ZNF423: variants seen among roughly 807,000 people sequenced by gnomAD.
ZNF423 encodes the protein Ebf-associated zinc finger protein.
ZNF423 carries 12 observed loss-of-function variants against 95.8 expected under a neutral mutation model. The observed-to-expected ratio is 0.13, with a 90% CI of 0.08 to 0.20. The LOEUF is 0.20. Ranked by LOEUF, ZNF423 falls within the 10% of genes least tolerant of loss-of-function variation. The pLI, the probability that ZNF423 is intolerant of heterozygous loss-of-function variation, is 1.00. For synonymous variants in ZNF423, 749 were observed against 711.9 expected, an observed-to-expected ratio of 1.05 and a Z score of -0.83; for missense variants, 1,316 against 1,737.1, an observed-to-expected ratio of 0.76 and a Z score of 4.31.
chr16:49,800,795 T>C (rs1418628509), intron 1 of ZNF423, among the ~76,000 whole-genome samples: 1 of 152,094 alleles, frequency 6.6e-6, no homozygotes, highest in East Asian at 1.9e-4. Flanking sequence ...GCCACAGCAT[T>C]TGTCCAGATG....
chr16:49,776,806 G>A (rs2034129488), intron 2 of ZNF423, among the ~76,000 whole-genome samples: 1 of 152,216 alleles, frequency 6.6e-6, no homozygotes, highest in Non-Finnish European at 1.5e-5. Flanking sequence ...CTAGGGCCCT[G>A]AGGGTACGAC....
At chr16:49,629,986 G>A (rs566720459) in intron 4 of ZNF423, among the ~76,000 whole-genome samples, 2 of 152,218 alleles carry the variant, frequency 1.3e-5, no homozygotes, top group Non-Finnish European at 2.9e-5. Flanking sequence ...GATGCGTCAG[G>A]CTCCAGGACC....
At position 49,733,842 on chromosome 16, in the gene ZNF423, A is replaced by T. The variant is rs190740702; in HGVS notation, c.101-2871T>A. 2.9e-3 allele frequency among the ~76,000 whole-genome samples: 437 copies of T among 152,298 alleles called. 6 individuals are homozygous for T. The highest frequency in any genetic ancestry group is 3.7e-3 in the Admixed American group (56 of 15,300). ...CAGAATCAGGCGCTGGAGAACAGGA[A>T]GGCCTCCACCCCAGGCAGGGTTTGC... On this transcript the variant is annotated intron_variant, in intron 2 of 7. Transcript: ENST00000563137.
intron 3 of ZNF423, among the ~76,000 whole-genome samples, chr16:49,683,591 A>G (rs1225237006): frequency 1.3e-5 from 2 of 152,192 alleles, no homozygotes; most frequent in Non-Finnish European, 2.9e-5. Context: ...GCCACAAGGT[A>G]CATTGAGAAT....
At chr16:49,500,293 G>A (rs73578423) in intron 7 of ZNF423, among the ~76,000 whole-genome samples, 1,632 of 152,224 alleles carry the variant, frequency 0.011, 29 homozygotes, top group African/African-American at 0.038. Context: ...ACTGAAAATC[G>A]GGGGTCCTAG....
chr16:49,502,137 G>A (rs980898966), intron 7 of ZNF423, among the ~76,000 whole-genome samples: 6 of 152,128 alleles, frequency 3.9e-5, no homozygotes, highest in Admixed American at 6.5e-5. Flanking sequence ...TCTGGCCCTC[G>A]GGCCACCAGC....
chr16:49,645,167 G>A (rs984984678), intron 3 of ZNF423, among the ~76,000 whole-genome samples: 5 of 152,120 alleles, frequency 3.3e-5, no homozygotes, highest in Non-Finnish European at 7.4e-5. Context: ...TTCCCGACAG[G>A]ACAAAGCTTT....
chr16:49,520,204 G>C (rs772082807), intron 7 of ZNF423, among the ~76,000 whole-genome samples: 2 of 152,146 alleles, frequency 1.3e-5, no homozygotes, highest in Non-Finnish European at 2.9e-5. Context: ...GGCACATCAT[G>C]GGCCCTCCAC....
chr16:49,630,756 T>C (rs1287136540), intron 4 of ZNF423, among the ~76,000 whole-genome samples: 1 of 152,064 alleles, frequency 6.6e-6, no homozygotes, highest in Non-Finnish European at 1.5e-5. Flanking sequence ...CCCAGGGGCT[T>C]GGGCAGGAAA....
chr16:49,571,699 G>A (rs1240184706), intron 5 of ZNF423, among the ~76,000 whole-genome samples: 1 of 152,090 alleles, frequency 6.6e-6, no homozygotes, highest in African/African-American at 2.4e-5. Flanking sequence ...GGTTGGGAGC[G>A]TAGAATAGAC....
intron 2 of ZNF423, among the ~76,000 whole-genome samples, chr16:49,755,594 GATTT>G (rs2033712330): frequency 6.6e-6 from 1 of 152,298 alleles, no homozygotes; most frequent in South Asian, 2.1e-4. Flanking sequence ...AGAGAAATTA[GATTT>G]ATTTACACGC....
intron 5 of ZNF423, among the ~76,000 whole-genome samples, chr16:49,602,467 C>T (rs969734079): frequency 1.3e-5 from 2 of 152,174 alleles, no homozygotes; most frequent in Non-Finnish European, 2.9e-5. Flanking sequence ...GCTGGCAGGT[C>T]ATGAAGGTGT....
At chr16:49,827,248 C>T (rs1294118251) in intron 1 of ZNF423, among the ~76,000 whole-genome samples, 2 of 152,140 alleles carry the variant, frequency 1.3e-5, no homozygotes, top group East Asian at 3.9e-4. Flanking sequence ...AGAGCAGGCC[C>T]CCGCCTCATC....
At chr16:49,727,537 AAG>A (rs1449912900) in intron 3 of ZNF423, among the ~76,000 whole-genome samples, 1 of 151,848 alleles carries the variant, frequency 6.6e-6, no homozygotes, top group African/African-American at 2.4e-5. Context: ...AGTTTTCAGG[AAG>A]AGCCACATTC....
At chr16:49,536,978 G>C (rs935956398) in intron 5 of ZNF423, among the ~76,000 whole-genome samples, 12 of 152,254 alleles carry the variant, frequency 7.9e-5, no homozygotes, top group African/African-American at 2.7e-4. Flanking sequence ...TTATTGAACT[G>C]TGGAATGTGA....
chr16:49,666,627 T>C (rs1408456000), intron 3 of ZNF423, among the ~76,000 whole-genome samples: 1 of 152,204 alleles, frequency 6.6e-6, no homozygotes. Flanking sequence ...CAGAGTTATA[T>C]ACACCACACA....
chr16:49,793,140 C>A (rs996432664), intron 1 of ZNF423, among the ~76,000 whole-genome samples: 1 of 151,982 alleles, frequency 6.6e-6, no homozygotes, highest in African/African-American at 2.4e-5. Flanking sequence ...TGCTACCCAG[C>A]AATGAGTGTG....
intron 5 of ZNF423, among the ~76,000 whole-genome samples, chr16:49,559,299 A>T (rs1158358362): frequency 1.3e-5 from 2 of 152,252 alleles, no homozygotes; most frequent in Non-Finnish European, 2.9e-5. Flanking sequence ...GTCAGGGAAC[A>T]GGGTACAGTA....
At chr16:49,664,629 A>G (rs2030441527) in intron 3 of ZNF423, among the ~76,000 whole-genome samples, 1 of 126,988 alleles carries the variant, frequency 7.9e-6, no homozygotes, top group Admixed American at 8.7e-5. Context: ...CCTGTCTGCC[A>G]GGACAGGGTG....
Sources: gnomAD v4.1 joint callset for allele counts (sites outside exome capture counted in the v4.1 genomes callset) on GRCh38, gnomAD v4.1.1 for gene constraint, MANE v1.5 for transcripts, NCBI Gene and HGNC (gene_info 2026-07-23, HGNC 2026-07-21) for gene names.